PTPRT: variants seen among roughly 807,000 people sequenced by gnomAD.
PTPRT encodes receptor-type tyrosine-protein phosphatase T.
In PTPRT, 56 loss-of-function variants were observed where a neutral mutation model predicts 176.8. That is an observed-to-expected ratio of 0.32 (90% CI 0.26 to 0.40). PTPRT has a LOEUF of 0.40. Among genes scored for constraint, PTPRT ranks in the 10% least tolerant of loss-of-function variants. PTPRT has a pLI of 1.00. For missense variants in PTPRT, 1,540 were observed against 1,908.2 expected (o/e 0.81, Z 3.60); for synonymous variants, 783 against 739.0 (o/e 1.06, Z -0.96).
At chr20:43,048,010 A>G (rs910468502) in intron 1 of PTPRT, among the ~76,000 whole-genome samples, 5 of 152,178 alleles carry the variant, frequency 3.3e-5, no homozygotes, top group African/African-American at 1.2e-4. Flanking sequence ...TCACCTTAGC[A>G]GTGGGCAAAA....
At chr20:43,180,241 C>T (rs1370840890) in intron 1 of PTPRT, among the ~76,000 whole-genome samples, 2 of 152,064 alleles carry the variant, frequency 1.3e-5, no homozygotes, top group Non-Finnish European at 2.9e-5. Context: ...CTCAGGCCTT[C>T]GGACTTACAT....
chr20:42,617,217 C>T lies in PTPRT; in HGVS notation c.1153+60649G>A, dbSNP rs1170180866. 9.8e-4 allele frequency among the ~76,000 whole-genome samples: 132 copies of T among 134,956 alleles called. 22 individuals carry two copies. The highest frequency in any genetic ancestry group is 1.6e-3 in the Non-Finnish European group (104 of 64,760). 88.5% of individuals were successfully genotyped at this position (134,956 alleles called of 152,430 possible). On this transcript the variant is annotated intron_variant, in intron 7 of 30. Transcript: ENST00000373187. ...ATAATCATGTGGTTTTTGTCTTTGG[C>T]TCTGTTTATATGCTGGATTACATTT...
intron 16 of PTPRT, among the ~76,000 whole-genome samples, chr20:42,190,567 T>C (rs1990965505): frequency 6.6e-6 from 1 of 152,172 alleles, no homozygotes; most frequent in Admixed American, 6.5e-5. Context: ...TCCTGGGCAT[T>C]ACTTTGAGCT....
At chr20:42,144,561 A>C (rs1023050295) in intron 17 of PTPRT, among the ~76,000 whole-genome samples, 14 of 152,292 alleles carry the variant, frequency 9.2e-5, no homozygotes, top group Admixed American at 7.2e-4. Context: ...AGTGGTATGG[A>C]AACACAGGGA....
intron 16 of PTPRT, 88 bp from the exon 17 acceptor site, chr20:42,161,630 G>A: frequency 7.1e-7 from 1 of 1,407,188 alleles, no homozygotes; most frequent in Non-Finnish European, 9.6e-7. Context: ...GCCTGAGGAG[G>A]GCAGAGGGAA....
At chr20:42,193,355 T>G (rs970820061) in intron 16 of PTPRT, among the ~76,000 whole-genome samples, 1 of 152,242 alleles carries the variant, frequency 6.6e-6, no homozygotes, top group Non-Finnish European at 1.5e-5. Flanking sequence ...GGCAGCAGCT[T>G]CTGCCCACAT....
intron 1 of PTPRT, among the ~76,000 whole-genome samples, chr20:43,052,736 T>C (rs2146235966): frequency 6.6e-6 from 1 of 152,320 alleles, no homozygotes; most frequent in East Asian, 1.9e-4. Context: ...CACAGCCAAT[T>C]ATAGAGCATT....
intron 2 of PTPRT, among the ~76,000 whole-genome samples, chr20:42,800,105 T>C (rs2077508558): frequency 6.6e-6 from 1 of 152,226 alleles, no homozygotes; most frequent in Non-Finnish European, 1.5e-5. Context: ...GATTCATTTG[T>C]TTAATTCTTA....
intron 16 of PTPRT, among the ~76,000 whole-genome samples, chr20:42,185,991 T>A (rs2146615235): frequency 6.6e-6 from 1 of 152,168 alleles, no homozygotes; most frequent in East Asian, 1.9e-4. Flanking sequence ...CAAACCGCAG[T>A]TGTTGCTGAG....
At chr20:42,044,229 C>A in the PTPRT span, among the ~76,000 whole-genome samples, 3 of 152,310 alleles carry the variant, frequency 2.0e-5, no homozygotes, top group Admixed American at 6.5e-5. Flanking sequence ...CAGCTCAGCT[C>A]CCTTGACAAT....
intron 9 of PTPRT, among the ~76,000 whole-genome samples, chr20:42,420,622 C>T (rs1008140129): frequency 6.6e-6 from 1 of 152,180 alleles, no homozygotes; most frequent in Non-Finnish European, 1.5e-5. Context: ...AGCACATACT[C>T]ACTTGGTTAC....
chr20:42,872,510 T>A (rs1027458262), intron 2 of PTPRT, among the ~76,000 whole-genome samples: 1 of 152,158 alleles, frequency 6.6e-6, no homozygotes, highest in Admixed American at 6.5e-5. Flanking sequence ...TGAAGACAAA[T>A]TCCTCTGCAA....
the PTPRT span, among the ~76,000 whole-genome samples, chr20:42,066,215 T>C: frequency 6.7e-6 from 1 of 150,288 alleles, no homozygotes; most frequent in African/African-American, 2.4e-5. Context: ...ATTTTTTTTG[T>C]ATTTTTAATA....
intron 9 of PTPRT, among the ~76,000 whole-genome samples, chr20:42,417,158 A>G (rs950448407): frequency 8.5e-5 from 13 of 152,178 alleles, no homozygotes; most frequent in Admixed American, 3.9e-4. Flanking sequence ...GGGCACCTCC[A>G]TTTACAGTAT....
At chr20:42,119,013 G>A (rs867843171) in intron 20 of PTPRT, among the ~76,000 whole-genome samples, 871 of 28,952 alleles carry the variant, frequency 0.03, 7 homozygotes, top group African/African-American at 0.081. Context: ...AGAAAGGAAG[G>A]AAAAAAAAAA....
At chr20:42,728,418 G>A (rs928921514) in intron 6 of PTPRT, among the ~76,000 whole-genome samples, 2 of 152,150 alleles carry the variant, frequency 1.3e-5, no homozygotes, top group Non-Finnish European at 2.9e-5. Context: ...TCTTGCAAGG[G>A]GGGAGAGGTA....
intron 1 of PTPRT, among the ~76,000 whole-genome samples, chr20:42,995,715 C>A (rs1984185767): frequency 6.6e-6 from 1 of 152,186 alleles, no homozygotes; most frequent in African/African-American, 2.4e-5. Flanking sequence ...GAGAAGAAAT[C>A]CCATGTCTAA....
chr20:42,107,586 G>A (rs946884255), intron 23 of PTPRT, among the ~76,000 whole-genome samples: 21 of 152,192 alleles, frequency 1.4e-4, no homozygotes, highest in African/African-American at 4.8e-4. Context: ...TATGGGCCTT[G>A]GCCAGCCCTT....
At chr20:43,000,179 G>A (rs139562567) in intron 1 of PTPRT, among the ~76,000 whole-genome samples, 188 of 151,698 alleles carry the variant, frequency 1.2e-3, no homozygotes, top group African/African-American at 4.5e-3. Context: ...TTCCCTAAAG[G>A]GCTAAATAAC....
Sources: allele counts gnomAD v4.1 joint callset (sites outside exome capture counted in the v4.1 genomes callset), GRCh38; gene constraint gnomAD v4.1.1; transcripts MANE v1.5; gene names NCBI Gene and HGNC (gene_info 2026-07-23, HGNC 2026-07-21).